SEMA3C: variants seen among roughly 807,000 people sequenced by gnomAD.
The protein encoded by SEMA3C is semaphorin-3C.
A neutral mutation model predicts 89.4 loss-of-function variants in SEMA3C; 47 were observed. The ratio of observed to expected loss-of-function variants is 0.53; its 90% CI spans 0.42 to 0.67. The LOEUF (loss-of-function observed/expected upper bound fraction) is 0.67, where lower values mean the gene tolerates loss of function less well. Ranked by LOEUF, SEMA3C falls within the 30% of genes least tolerant of loss-of-function variation. The pLI, the probability that SEMA3C is intolerant of heterozygous loss-of-function variation, is 0.00. For synonymous variants in SEMA3C, 310 were observed against 320.2 expected, an observed-to-expected ratio of 0.97 and a Z score of 0.34; for missense variants, 839 against 929.1, an observed-to-expected ratio of 0.90 and a Z score of 1.26.
chr7:80,841,164 G>C (rs1038441379), intron 2 of SEMA3C, among the ~76,000 whole-genome samples: 1 of 152,062 alleles, frequency 6.6e-6, no homozygotes, highest in Non-Finnish European at 1.5e-5. Flanking sequence ...AAACAAATCC[G>C]AGCAAGTACC....
intron 2 of SEMA3C, among the ~76,000 whole-genome samples, chr7:80,907,851 T>C (rs1451138191): frequency 2.0e-5 from 3 of 152,012 alleles, no homozygotes; most frequent in Admixed American, 6.6e-5. Flanking sequence ...AGGGCAGACA[T>C]GTTATTTAAA....
In SEMA3C at chr7:80,916,802, A is replaced by G. The variant is rs764849248; in HGVS notation, c.-21T>C. 1 of 1,612,712 alleles carries G rather than the reference A, an allele frequency of 6.2e-7. No homozygotes were observed. Among genetic ancestry groups the G allele is most frequent in the South Asian group, 1.1e-5 (1 of 90,948 alleles). On this transcript the variant is annotated 5_prime_UTR_variant, in exon 2 of 18. Transcript: ENST00000265361. ...GCCATTTCTTCAGATATGCAAGTTA[A>G]TATCCAAGGGAAAATACCTTTAAGA...
intron 6 of SEMA3C, among the ~76,000 whole-genome samples, chr7:80,810,407 G>A (rs1037847345): frequency 2.6e-5 from 4 of 152,032 alleles, no homozygotes; most frequent in Non-Finnish European, 5.9e-5. Flanking sequence ...TGACAAAACT[G>A]TCATAAGTTA....
chr7:80,917,537 C>A (rs1792306795), intron 1 of SEMA3C, among the ~76,000 whole-genome samples: 1 of 152,170 alleles, frequency 6.6e-6, no homozygotes, highest in African/African-American at 2.4e-5. Context: ...AGAATGTGGG[C>A]TGTCAAAATT....
intron 2 of SEMA3C, among the ~76,000 whole-genome samples, chr7:80,886,924 G>A (rs1791493589): frequency 6.6e-6 from 1 of 151,956 alleles, no homozygotes; most frequent in South Asian, 2.1e-4. Flanking sequence ...GTATTGCTAG[G>A]TAACAAATAT....
intron 9 of SEMA3C, among the ~76,000 whole-genome samples, chr7:80,801,028 A>C (rs1162450229): frequency 3.3e-5 from 5 of 152,060 alleles, no homozygotes; most frequent in Non-Finnish European, 7.4e-5. Context: ...AATTTATGAA[A>C]ATTTTGTATC....
intron 4 of SEMA3C, among the ~76,000 whole-genome samples, chr7:80,820,045 T>C (rs1197869923): frequency 6.7e-6 from 1 of 150,164 alleles, no homozygotes; most frequent in Non-Finnish European, 1.5e-5. Context: ...CTAGGTACCA[T>C]GTATGCTCCT....
intron 5 of SEMA3C, among the ~76,000 whole-genome samples, chr7:80,815,575 T>TAAAAAAAAAAAAAAAAAAAAAAAAAA (rs1789585531): frequency 7.4e-4 from 61 of 82,002 alleles, no homozygotes; most frequent in Admixed American, 1.7e-3. Context: ...AAAAAAAAAG[T>TAAAAAAAAAAAAAAAAAAAAAAAAAA]AAATGTAGAG....
chr7:80,842,502 T>C (rs930571254), intron 2 of SEMA3C, among the ~76,000 whole-genome samples: 1 of 152,184 alleles, frequency 6.6e-6, no homozygotes, highest in Non-Finnish European at 1.5e-5. Context: ...TAGCCATGAC[T>C]TTCTTTTTAA....
At chr7:80,851,036 C>T (rs1324741203) in intron 2 of SEMA3C, among the ~76,000 whole-genome samples, 1 of 152,058 alleles carries the variant, frequency 6.6e-6, no homozygotes, top group Non-Finnish European at 1.5e-5. Flanking sequence ...CACCTCCCTC[C>T]GATCTCTCCC....
intron 2 of SEMA3C, among the ~76,000 whole-genome samples, chr7:80,866,348 C>T (rs888556571): frequency 2.0e-5 from 3 of 151,982 alleles, no homozygotes; most frequent in African/African-American, 4.8e-5. Context: ...AATATTTACA[C>T]AATAAAAACC....
intron 2 of SEMA3C, among the ~76,000 whole-genome samples, chr7:80,843,574 G>C (rs1790320751): frequency 6.6e-6 from 1 of 152,118 alleles, no homozygotes; most frequent in Non-Finnish European, 1.5e-5. Context: ...AATTGAATGA[G>C]AAAGTAAGTG....
chr7:80,885,844 T>C (rs906390403), intron 2 of SEMA3C, among the ~76,000 whole-genome samples: 1 of 152,236 alleles, frequency 6.6e-6, no homozygotes, highest in African/African-American at 2.4e-5. Context: ...ATGTACATAT[T>C]TGCAACCTCT....
intron 2 of SEMA3C, among the ~76,000 whole-genome samples, chr7:80,865,174 G>A (rs761091383): frequency 2.6e-5 from 4 of 152,038 alleles, no homozygotes; most frequent in Non-Finnish European, 5.9e-5. Context: ...GTCACTTAAA[G>A]CTCTGAGAAA....
At chr7:80,835,528 T>A (rs1479401227) in intron 2 of SEMA3C, among the ~76,000 whole-genome samples, 1 of 152,064 alleles carries the variant, frequency 6.6e-6, no homozygotes, top group Non-Finnish European at 1.5e-5. Context: ...AAGTGACCCA[T>A]CCTCTCCCTG....
At chr7:80,750,251 A>G (rs1479369123) in intron 16 of SEMA3C, among the ~76,000 whole-genome samples, 1 of 151,594 alleles carries the variant, frequency 6.6e-6, no homozygotes, top group African/African-American at 2.4e-5. Flanking sequence ...TGGTAACTTC[A>G]TGTCAGAATG....
chr7:80,842,365 C>T (rs10250413), intron 2 of SEMA3C, among the ~76,000 whole-genome samples: 1,847 of 152,200 alleles, frequency 0.012, 34 homozygotes, highest in African/African-American at 0.041. Flanking sequence ...CAGTGTTGCA[C>T]TTTGCTGTTT....
rs1792346368 is a variant in SEMA3C at position 80,919,022 on chromosome 7, T to C, written c.-233A>G. 1.0e-6 allele frequency: 1 copy of C among 985,260 alleles called. No homozygotes were observed. Among genetic ancestry groups the C allele is most frequent in the South Asian group, 4.7e-5 (1 of 21,282 alleles). The allele number at this position is 985,260 out of a possible 1,614,324, so 61.0% of individuals were successfully genotyped here. ...AGTGCCGCGGCACCCGGAGCTCTTC[T>C]CCGCGTCGCTCAATCAAGCACCTCG... On this transcript the variant is annotated 5_prime_UTR_variant, in exon 1 of 18. Coordinates refer to ENST00000265361, the MANE Select transcript of SEMA3C (RefSeq NM_006379.5).
intron 13 of SEMA3C, among the ~76,000 whole-genome samples, chr7:80,764,264 G>A (rs1298372430): frequency 6.6e-6 from 1 of 152,192 alleles, no homozygotes; most frequent in Admixed American, 6.5e-5. Context: ...GCTGACTCTG[G>A]TCTTTTGTTG....
Sources: allele counts gnomAD v4.1 joint callset (sites outside exome capture counted in the v4.1 genomes callset), GRCh38; gene constraint gnomAD v4.1.1; transcripts MANE v1.5; gene names NCBI Gene and HGNC (gene_info 2026-07-23, HGNC 2026-07-21).